SDCCAG8: variants seen among roughly 807,000 people sequenced by gnomAD.
The protein encoded by SDCCAG8 is SHH signaling and ciliogenesis regulator SDCCAG8.
In SDCCAG8, 74 loss-of-function variants were observed where a neutral mutation model predicts 101.8. The ratio of observed to expected loss-of-function variants is 0.73; its 90% CI spans 0.60 to 0.88. The LOEUF (loss-of-function observed/expected upper bound fraction) is 0.88. Ranked by LOEUF, SDCCAG8 falls within the 40% of genes least tolerant of loss-of-function variation. The pLI is 0.00. For synonymous variants in SDCCAG8, 281 were observed against 292.9 expected (o/e 0.96, Z 0.41); for missense variants, 787 against 822.6 (o/e 0.96, Z 0.53).
At chr1:243,496,550 G>A (rs1323206607) in intron 17 of SDCCAG8, among the ~76,000 whole-genome samples, 6 of 152,254 alleles carry the variant, frequency 3.9e-5, no homozygotes, top group Non-Finnish European at 5.9e-5. Flanking sequence ...GGACAGCAGG[G>A]GGGGAAGGGG....
intron 3 of SDCCAG8, among the ~76,000 whole-genome samples, chr1:243,272,561 T>C (rs1558214786): frequency 6.6e-6 from 1 of 152,202 alleles, no homozygotes; most frequent in South Asian, 2.1e-4. Context: ...CTTTATCTGT[T>C]GAATGCTCAG....
intron 13 of SDCCAG8, 146 bp from the exon 14 acceptor site, chr1:243,415,556 A>G: frequency 1.9e-6 from 2 of 1,054,052 alleles, no homozygotes; most frequent in Non-Finnish European, 2.9e-6. Context: ...CTTCCCCCTA[A>G]AGTGGGGGAG....
intron 16 of SDCCAG8, among the ~76,000 whole-genome samples, chr1:243,467,407 A>G (rs1034750585): frequency 6.6e-6 from 1 of 152,180 alleles, no homozygotes; most frequent in African/African-American, 2.4e-5. Context: ...AGTGAACAGA[A>G]TGGTAGAGAA....
At chr1:243,420,104 C>T (rs1393354072) in intron 15 of SDCCAG8, among the ~76,000 whole-genome samples, 1 of 152,134 alleles carries the variant, frequency 6.6e-6, no homozygotes, top group African/African-American at 2.4e-5. Context: ...CCAGTCTGTC[C>T]CATTGTTGAT....
At chr1:243,302,840 G>A (rs897807472) in intron 6 of SDCCAG8, among the ~76,000 whole-genome samples, 6 of 152,084 alleles carry the variant, frequency 3.9e-5, no homozygotes, top group Admixed American at 3.9e-4. Flanking sequence ...CAACACAATG[G>A]AAGAGAACCC....
chr1:243,452,138 A>G (rs1177249429), intron 16 of SDCCAG8, among the ~76,000 whole-genome samples: 2 of 152,082 alleles, frequency 1.3e-5, no homozygotes, highest in Non-Finnish European at 2.9e-5. Context: ...ACAGACAGAC[A>G]GTAGGCCACA....
intron 13 of SDCCAG8, among the ~76,000 whole-genome samples, chr1:243,379,109 T>C (rs557165617): frequency 3.3e-5 from 5 of 152,352 alleles, no homozygotes; most frequent in African/African-American, 9.6e-5. Flanking sequence ...GGTGATTCTC[T>C]ATCAATATAA....
At chr1:243,497,642 T>C (rs774466010) in intron 17 of SDCCAG8, among the ~76,000 whole-genome samples, 3 of 152,196 alleles carry the variant, frequency 2.0e-5, no homozygotes, top group Non-Finnish European at 4.4e-5. Context: ...GAGAAATGCC[T>C]GTTTCCTGGA....
chr1:243,428,169 G>T lies in SDCCAG8; in HGVS notation c.1985+1611G>T, dbSNP rs559136578. On this transcript the variant is annotated intron_variant, in intron 16 of 17. Transcript: ENST00000366541. ...TATGTACCTTGAAGCAACCTTGAAA[G>T]TAGCTGCATTTATCATCTCCATTTC... Among the ~76,000 whole-genome samples the T allele has an allele frequency of 4.6e-5, 7 of 152,320 alleles. No individual in the cohort carries two copies. The South Asian group carries it at 1.5e-3, about 32-fold the overall frequency.
intron 7 of SDCCAG8, chr1:243,306,193 T>G (rs1043671125): frequency 6.6e-6 from 1 of 152,060 alleles, no homozygotes; most frequent in Admixed American, 6.6e-5. Context: ...CCTGATTAGT[T>G]TTAGGATTTC....
intron 8 of SDCCAG8, among the ~76,000 whole-genome samples, chr1:243,308,939 A>G (rs1184874676): frequency 2.0e-5 from 3 of 152,346 alleles, no homozygotes; most frequent in Non-Finnish European, 4.4e-5. Context: ...GCTCACTTAA[A>G]TAACCCCAGA....
intron 16 of SDCCAG8, among the ~76,000 whole-genome samples, chr1:243,478,169 G>A (rs766915887): frequency 2.6e-5 from 4 of 152,084 alleles, no homozygotes; most frequent in Non-Finnish European, 4.4e-5. Context: ...TCTCTCTCAG[G>A]GTCCTTCCCT....
intron 12 of SDCCAG8, among the ~76,000 whole-genome samples, chr1:243,365,358 C>T (rs1402850982): frequency 2.6e-5 from 4 of 151,992 alleles, no homozygotes; most frequent in African/African-American, 9.7e-5. Context: ...TAGGAGTACA[C>T]TTTAGAAAAA....
chr1:243,327,327 A>G (rs926459254), intron 9 of SDCCAG8, among the ~76,000 whole-genome samples: 6 of 144,264 alleles, frequency 4.2e-5, no homozygotes, highest in Admixed American at 2.8e-4. Flanking sequence ...AATTAAAATT[A>G]TAATTATAAT....
At chr1:243,353,406 G>A (rs2076198013) in intron 12 of SDCCAG8, among the ~76,000 whole-genome samples, 1 of 138,068 alleles carries the variant, frequency 7.2e-6, no homozygotes, top group Non-Finnish European at 1.5e-5. Context: ...CAGGAGAATT[G>A]CTTGAACCCA....
chr1:243,334,198 G>T (rs1435016508), intron 10 of SDCCAG8, among the ~76,000 whole-genome samples: 2 of 152,046 alleles, frequency 1.3e-5, no homozygotes, highest in African/African-American at 4.8e-5. Flanking sequence ...TCCTTGGATG[G>T]TTCCTATAGC....
chr1:243,379,126 T>C (rs1286625006), intron 13 of SDCCAG8, among the ~76,000 whole-genome samples: 1 of 152,174 alleles, frequency 6.6e-6, no homozygotes, highest in Admixed American at 6.5e-5. Context: ...ATAAGCGAAA[T>C]GACATATTTC....
rs542595091 is a variant in SDCCAG8, at chr1:243,289,831, G to A, written c.547-3260G>A. 9.2e-5 allele frequency among the ~76,000 whole-genome samples: 14 copies of A among 152,228 alleles called. 1 individual carries two copies. The South Asian group carries it at 2.7e-3, about 29-fold the overall frequency. On this transcript the variant is annotated intron_variant, in intron 5 of 17. Coordinates refer to ENST00000366541, the MANE Select transcript of SDCCAG8 (RefSeq NM_006642.5). ...AAACCATCTTTGTTTGCAGAGGATA[G>A]AAGTTTTCCCTGGCAGAAAAGAGAA...
intron 16 of SDCCAG8, among the ~76,000 whole-genome samples, chr1:243,472,977 C>A (rs1661548706): frequency 6.6e-6 from 1 of 151,992 alleles, no homozygotes; most frequent in African/African-American, 2.4e-5. Context: ...TAAAATTTAT[C>A]TCATATACCT....
Sources: allele counts gnomAD v4.1 joint callset (sites outside exome capture counted in the v4.1 genomes callset), GRCh38; gene constraint gnomAD v4.1.1; transcripts MANE v1.5; gene names NCBI Gene and HGNC (gene_info 2026-07-23, HGNC 2026-07-21).